Variants in MAGI2 observed in about 807,000 individuals in gnomAD.
MAGI2 encodes the protein membrane associated guanylate kinase, WW and PDZ domain containing 2, also known as membrane-associated guanylate kinase, WW and PDZ domain-containing protein 2.
In MAGI2, 35 loss-of-function variants were observed where a neutral mutation model predicts 133.3. That is an observed-to-expected ratio of 0.26 (90% CI 0.20 to 0.35). MAGI2 has a LOEUF of 0.35. MAGI2 is among the 10% of genes least tolerant of loss of function. The pLI, the probability that MAGI2 is intolerant of heterozygous loss-of-function variation, is 1.00. For synonymous variants in MAGI2, 729 were observed against 710.6 expected (o/e 1.03, Z -0.41); for missense variants, 1,636 against 1,863.4 (o/e 0.88, Z 2.25).
At chr7:79,017,687 T>A (rs1298170942) in intron 1 of MAGI2, among the ~76,000 whole-genome samples, 1 of 152,190 alleles carries the variant, frequency 6.6e-6, no homozygotes, top group African/African-American at 2.4e-5. Flanking sequence ...ATCTAAGGTT[T>A]ACAATAAAAC....
At chr7:79,097,870 C>T (rs1232727165) in intron 1 of MAGI2, among the ~76,000 whole-genome samples, 1 of 152,068 alleles carries the variant, frequency 6.6e-6, no homozygotes, top group Non-Finnish European at 1.5e-5. Flanking sequence ...GCATGTAATC[C>T]CAGCACCTTG....
intron 3 of MAGI2, among the ~76,000 whole-genome samples, chr7:78,623,344 A>G (rs1291081481): frequency 6.6e-6 from 1 of 152,114 alleles, no homozygotes; most frequent in East Asian, 1.9e-4. Context: ...AAATGTGTGC[A>G]AACTAATGAA....
At chr7:79,140,561 T>C (rs1031603024) in intron 1 of MAGI2, among the ~76,000 whole-genome samples, 1 of 152,086 alleles carries the variant, frequency 6.6e-6, no homozygotes, top group African/African-American at 2.4e-5. Flanking sequence ...GAAAGGACGA[T>C]GAAAAACAGT....
chr7:78,272,396 C>A (rs922711733), intron 9 of MAGI2, among the ~76,000 whole-genome samples: 2 of 152,132 alleles, frequency 1.3e-5, no homozygotes, highest in Admixed American at 6.5e-5. Context: ...CGACGTGGTG[C>A]TGAGAAGAAT....
chr7:78,509,386 C>T (rs955609062), intron 4 of MAGI2: 5 of 152,184 alleles, frequency 3.3e-5, no homozygotes. Flanking sequence ...AAATTTAATT[C>T]CTTTCATCTT....
intron 6 of MAGI2, among the ~76,000 whole-genome samples, chr7:78,385,292 C>A (rs1795278525): frequency 6.6e-6 from 1 of 152,154 alleles, no homozygotes; most frequent in Non-Finnish European, 1.5e-5. Flanking sequence ...TTGTGGAATT[C>A]TTTTAAACAT....
intron 1 of MAGI2, among the ~76,000 whole-genome samples, chr7:79,033,146 T>A (rs942877004): frequency 4.6e-5 from 7 of 152,198 alleles, no homozygotes; most frequent in Admixed American, 2.0e-4. Context: ...GTCTCCTTTG[T>A]TTCTGTACTA....
chr7:78,113,751 TC>T (rs1465420963), intron 20 of MAGI2, among the ~76,000 whole-genome samples: 14 of 152,298 alleles, frequency 9.2e-5, no homozygotes, highest in African/African-American at 3.4e-4. Flanking sequence ...TGTATCCCTG[TC>T]ATCAAGAGAT....
chr7:78,511,378 C>T (rs1795548157), intron 4 of MAGI2, among the ~76,000 whole-genome samples: 1 of 151,858 alleles, frequency 6.6e-6, no homozygotes, highest in African/African-American at 2.4e-5. Context: ...TCTACACAGT[C>T]AGTTCATCAA....
intron 21 of MAGI2, among the ~76,000 whole-genome samples, chr7:78,041,998 C>T (rs529238299): frequency 7.9e-5 from 12 of 152,262 alleles, no homozygotes; most frequent in African/African-American, 2.9e-4. Context: ...AGAGCTGCTC[C>T]CTTCACTGTG....
intron 3 of MAGI2, among the ~76,000 whole-genome samples, chr7:78,544,721 C>A (rs1798678517): frequency 6.6e-6 from 1 of 152,044 alleles, no homozygotes; most frequent in Non-Finnish European, 1.5e-5. Flanking sequence ...GACTCAGTCA[C>A]TCAATAAAGT....
chr7:78,768,418 A>T, intron 2 of MAGI2, among the ~76,000 whole-genome samples: 1 of 152,210 alleles, frequency 6.6e-6, no homozygotes, highest in East Asian at 1.9e-4. Flanking sequence ...ATGCTGTATT[A>T]AAGTTCCATT....
intron 10 of MAGI2, among the ~76,000 whole-genome samples, chr7:78,202,280 C>T (rs570445860): frequency 2.0e-5 from 3 of 152,184 alleles, no homozygotes; most frequent in Non-Finnish European, 4.4e-5. Context: ...CTATAGAAAT[C>T]GGGACACATA....
chr7:78,287,937 A>G lies in MAGI2; in HGVS notation c.1409-31356T>C, dbSNP rs375853749. 1.1e-3 allele frequency among the ~76,000 whole-genome samples: 167 copies of G among 152,300 alleles called. 2 individuals carry two copies. In the South Asian group the frequency reaches 0.011, roughly 10 times the overall value. ...TTGGGGATTTGAGACTAGTTGTGTC[A>G]AACATCTTTCTATCAGGATATGTTC... On this transcript the variant is annotated intron_variant, in intron 9 of 21. Transcript: ENST00000354212.
intron 16 of MAGI2, among the ~76,000 whole-genome samples, chr7:78,156,828 CA>C (rs145232799): frequency 0.14 from 19,983 of 144,984 alleles, 1,359 homozygotes; most frequent in East Asian, 0.17. Flanking sequence ...AAAACAAACC[CA>C]AAAAAAAACC....
intron 2 of MAGI2, among the ~76,000 whole-genome samples, chr7:78,854,138 A>C (rs1013692057): frequency 3.9e-5 from 6 of 152,178 alleles, no homozygotes; most frequent in African/African-American, 1.4e-4. Context: ...CCTTCTATTT[A>C]AAAGCCTTTC....
At chr7:79,274,584 A>AT (rs936375891) in intron 1 of MAGI2, among the ~76,000 whole-genome samples, 21 of 87,140 alleles carry the variant, frequency 2.4e-4, no homozygotes, top group African/African-American at 3.9e-4. Context: ...TATATTATAT[A>AT]TTTTTTTTCA....
At chr7:79,196,289 C>T (rs1429848747) in intron 1 of MAGI2, among the ~76,000 whole-genome samples, 2 of 151,666 alleles carry the variant, frequency 1.3e-5, no homozygotes, top group Non-Finnish European at 2.9e-5. Flanking sequence ...AAAAGTTATA[C>T]AAATATTCTT....
At chr7:79,306,189 ATATATATATACATG>A (rs1354347259) in intron 1 of MAGI2, among the ~76,000 whole-genome samples, 1 of 138,574 alleles carries the variant, frequency 7.2e-6, no homozygotes, top group Admixed American at 7.0e-5. Context: ...ATATATACAC[ATATATATATACATG>A]TATATATATA....
Sources: gnomAD v4.1 joint callset for allele counts (sites outside exome capture counted in the v4.1 genomes callset) on GRCh38, gnomAD v4.1.1 for gene constraint, MANE v1.5 for transcripts, NCBI Gene and HGNC (gene_info 2026-07-23, HGNC 2026-07-21) for gene names.